The following AMDHD2 variants were observed in gnomAD, a reference collection of about 807,000 sequenced individuals.
AMDHD2 encodes N-acetylglucosamine-6-phosphate deacetylase.
Under a neutral mutation model 41.8 loss-of-function variants are expected in AMDHD2, and 24 were observed. The observed-to-expected ratio is 0.57, with a 90% CI of 0.42 to 0.81. The LOEUF (loss-of-function observed/expected upper bound fraction) is 0.81, where lower values mean the gene tolerates loss of function less well. Ranked by LOEUF, AMDHD2 falls within the 30% of genes least tolerant of loss-of-function variation. The pLI, the probability that AMDHD2 is intolerant of heterozygous loss-of-function variation, is 0.00. For synonymous variants in AMDHD2, 332 were observed against 255.5 expected (o/e 1.30, Z -2.85); for missense variants, 540 against 588.5 (o/e 0.92, Z 0.85).
At chr16:2,524,018 C>T (rs776519282) in intron 3 of AMDHD2, among the ~76,000 whole-genome samples, 1 of 152,236 alleles carries the variant, frequency 6.6e-6, no homozygotes. Flanking sequence ...TTCTTCCCAG[C>T]ATGCACTGCA....
At chr16:2,525,512 G>A (rs186528509) in intron 3 of AMDHD2, among the ~76,000 whole-genome samples, 1 of 151,846 alleles carries the variant, frequency 6.6e-6, no homozygotes, top group African/African-American at 2.4e-5. Context: ...GACTACAGGC[G>A]TGTGCCACTA....
Position 2,529,029 on chromosome 16 carries a change from C to G in AMDHD2, c.1075C>G (p.Leu359Val). The change falls in exon 10 of 11, where the codon CTG (leucine) becomes GTG (valine). Residue 359 changes from leucine to valine, a missense_variant. Physicochemically the swap from Leu to Val is conservative, Grantham distance 32. Transcript: ENST00000293971. ...GGAGTCGGCCCTGGAGGCTGCATCC[C>G]TGCACCCCGCCCAGTTGCTGGGGCT... ...SMESALEAAS[L>V]HPAQLLGLEK... 6 of 1,596,106 alleles carry G rather than the reference C, an allele frequency of 3.8e-6. No homozygotes were observed. Among genetic ancestry groups the G allele is most frequent in the Non-Finnish European group, 4.3e-6 (5 of 1,172,064 alleles).
At position 2,520,552 on chromosome 16, in the gene AMDHD2, G is replaced by T. The variant is rs1350039741; in HGVS notation, c.83+11G>T. 2 of 1,232,934 alleles carry T rather than the reference G, an allele frequency of 1.6e-6. No individual in the cohort carries two copies. Among genetic ancestry groups the T allele is most frequent in the East Asian group, 3.2e-5 (1 of 31,020 alleles). 76.4% of individuals were successfully genotyped at this position (1,232,934 alleles called of 1,614,324 possible). A position where few individuals can be genotyped will look rare whatever the true frequency, so the allele number is the denominator to read the frequency against. ...AGGGAAACTGCTCAGGTGGGCGCGG[G>T]CCGGGGACTGCGGGGCTGGGGACCG... On this transcript the variant is annotated intron_variant, in intron 1 of 10. Transcript: ENST00000293971.
intron 9 of AMDHD2, 24 bp downstream of exon 9, chr16:2,528,742 G>C (rs371095432): frequency 1.6e-5 from 26 of 1,608,384 alleles, no homozygotes; most frequent in African/African-American, 8.0e-5. Flanking sequence ...ACGGGTGCGG[G>C]TTTAGGTGGT....
Position 2,521,096 on chromosome 16 carries a change from C to G in AMDHD2, c.333C>G (p.Val111=). The change falls in exon 3 of 11, where the codon GTC becomes GTG. Residue 111 remains valine, a synonymous_variant. Transcript: ENST00000293971. ...TCACCTCCTTCTGCCCCACCCTGGT[C>G]ACTTCCCCACCGGAGGTTTATCACA... The part of the protein sequence containing the change: ...HGVTSFCPTL[V]TSPPEVYHKV... 5.0e-6 allele frequency: 8 copies of G among 1,597,204 alleles called. No homozygotes were observed. Among genetic ancestry groups the G allele is most frequent in the Middle Eastern group, 1.7e-4 (1 of 6,026 alleles).
rs1313673748 is a variant in AMDHD2 at position 2,530,811 on chromosome 16, G to A, written c.*1248G>A. The A allele has an allele frequency of 5.0e-6, 8 of 1,613,766 alleles. No homozygotes were observed. The East Asian group carries it at 1.6e-4, about 31-fold the overall frequency. The stretch of plus-strand genomic sequence containing the variant: ...GGTTGATCTCAGCCCACAAGCCCCA[G>A]GGGCAGCCCAGGAAAGCAGGCGACG... On this transcript the variant is annotated 3_prime_UTR_variant, in exon 11 of 11. Coordinates refer to ENST00000293971, the MANE Select transcript of AMDHD2 (RefSeq NM_001330449.2).
At chr16:2,523,329 C>G (rs931773445) in intron 3 of AMDHD2, among the ~76,000 whole-genome samples, 2 of 152,068 alleles carry the variant, frequency 1.3e-5, no homozygotes, top group Admixed American at 6.6e-5. Context: ...CGTTATATGC[C>G]CAAGGGGTCC....
At chr16:2,521,595 C>T (rs2065938120) in intron 3 of AMDHD2, among the ~76,000 whole-genome samples, 1 of 152,124 alleles carries the variant, frequency 6.6e-6, no homozygotes, top group South Asian at 2.1e-4. Flanking sequence ...CATTTTCTTT[C>T]CTGCCCGGAA....
At chr16:2,524,243 TTTG>T (rs1414796759) in intron 3 of AMDHD2, among the ~76,000 whole-genome samples, 5 of 152,236 alleles carry the variant, frequency 3.3e-5, no homozygotes, top group Admixed American at 3.3e-4. Context: ...TCTTCGGTCT[TTTG>T]TTGTCCTGTT....
rs1338910976 is a variant in AMDHD2 at position 2,520,987 on chromosome 16, G to T, written c.224G>T (p.Gly75Val). 6.2e-7 allele frequency: 1 copy of T among 1,602,824 alleles called. No homozygotes were observed. Among genetic ancestry groups the T allele is most frequent in the Non-Finnish European group, 8.5e-7 (1 of 1,172,122 alleles). ...ACTTCCTTTTCTGTGGCTGCAGGTG[G>T]ATTTGGTGTTGACTTCTCTCAAGCC... ...PGFIDVQING[G>V]FGVDFSQATE... The change falls in exon 3 of 11, where the codon GGA (glycine) becomes GTA (valine). Residue 75 changes from glycine to valine, a missense_variant. Coordinates refer to ENST00000293971, the MANE Select transcript of AMDHD2 (RefSeq NM_001330449.2).
In AMDHD2 at chr16:2,530,938, G is replaced by A. The variant is rs760941091; in HGVS notation, c.*1375G>A. 6.2e-6 allele frequency: 10 copies of A among 1,613,434 alleles called. No individual in the cohort carries two copies. The East Asian group carries it at 2.2e-4, about 36-fold the overall frequency. ...GGAAGTGGCTGTCCAGCGCCTGCCTGTGCTGGGCCTGGGAGAGGAGCTGTC... is the reference window on the plus strand; with the variant it reads ...GGAAGTGGCTGTCCAGCGCCTGCCTATGCTGGGCCTGGGAGAGGAGCTGTC... On this transcript the variant is annotated 3_prime_UTR_variant, in exon 11 of 11. Coordinates refer to ENST00000293971, the MANE Select transcript of AMDHD2 (RefSeq NM_001330449.2).
At chr16:2,523,143 A>G (rs1272340499) in intron 3 of AMDHD2, among the ~76,000 whole-genome samples, 2 of 152,168 alleles carry the variant, frequency 1.3e-5, no homozygotes, top group African/African-American at 4.8e-5. Context: ...TGCCCAACCA[A>G]TACTTAACTA....
Position 2,520,533 on chromosome 16 carries a change from A to G in AMDHD2, c.75A>G (p.Lys25=), listed in dbSNP as rs1212697030. ...ACTGCCGGATCCTGCGCGGAGGGAA[A>G]CTGCTCAGGTGGGCGCGGGCCGGGG... is the stretch of plus-strand genomic sequence containing the variant. ...FTNCRILRGG[K]LLREDLWVRG... Residue 25 remains lysine, a synonymous_variant, in exon 1 of 11, where the codon AAA becomes AAG. Transcript: ENST00000293971. The G allele has an allele frequency of 1.7e-6, 2 of 1,207,452 alleles. No homozygotes were observed. Among genetic ancestry groups the G allele is most frequent in the African/African-American group, 1.6e-5 (1 of 61,042 alleles). The allele number at this position is 1,207,452 out of a possible 1,614,324, so 74.8% of individuals were successfully genotyped here.
At position 2,530,263 on chromosome 16, in the gene AMDHD2, T is replaced by C. The variant is rs1262110248; in HGVS notation, c.*700T>C. The C allele has an allele frequency of 3.1e-6, 5 of 1,611,128 alleles. No homozygotes were observed. Among genetic ancestry groups the C allele is most frequent in the Non-Finnish European group, 4.2e-6 (5 of 1,178,838 alleles). On this transcript the variant is annotated 3_prime_UTR_variant, in exon 11 of 11. Transcript: ENST00000293971. ...TCTCTTCACACATCCCCAGGCCCAGTGCTTGCCGGCTGTGGTGACCCTGCC... is the reference window on the plus strand; with the variant it reads ...TCTCTTCACACATCCCCAGGCCCAGCGCTTGCCGGCTGTGGTGACCCTGCC...
At chr16:2,529,231 G>A in intron 10 of AMDHD2, 136 bp downstream of exon 10, 1 of 1,080,874 alleles carries the variant, frequency 9.3e-7, no homozygotes, top group Non-Finnish European at 1.3e-6. Context: ...CCGGCTGCCA[G>A]CCTCAGTTGT....
rs749749353 is a variant in AMDHD2, at chr16:2,529,488, C to T, written c.1155C>T (p.Leu385=). 2.2e-5 allele frequency: 36 copies of T among 1,610,886 alleles called. No homozygotes were observed. The highest frequency in any genetic ancestry group is 6.7e-5 in the Admixed American group (4 of 59,998). The change falls in exon 11 of 11, where the codon CTC becomes CTT. Residue 385 remains leucine (L), a synonymous_variant. Coordinates refer to ENST00000293971, the MANE Select transcript of AMDHD2 (RefSeq NM_001330449.2). The part of the protein sequence containing the change: ...DFGADADFVV[L]DDSLHVQATY... ...GCTCTGTCCCAGACTTCGTGGTGCTCGACGACTCCCTTCACGTCCAGGCCA... is the reference window on the plus strand; with the variant it reads ...GCTCTGTCCCAGACTTCGTGGTGCTTGACGACTCCCTTCACGTCCAGGCCA...
intron 9 of AMDHD2, 67 bp downstream of exon 9, chr16:2,528,785 G>A (rs920854191): frequency 1.9e-4 from 295 of 1,593,090 alleles, no homozygotes; most frequent in African/African-American, 1.8e-4. Context: ...GGGCTGGACC[G>A]GGTGCCCGGA....
rs1488424236 is a variant in AMDHD2 at position 2,530,296 on chromosome 16, G to A, written c.*733G>A. On this transcript the variant is annotated 3_prime_UTR_variant, in exon 11 of 11. Coordinates refer to ENST00000293971, the MANE Select transcript of AMDHD2 (RefSeq NM_001330449.2). ...GGCTGTGGTGACCCTGCCTGGTGCTGGAGGGCAGTATGGGAGGCACCAGTG... is the reference window on the plus strand; with the variant it reads ...GGCTGTGGTGACCCTGCCTGGTGCTAGAGGGCAGTATGGGAGGCACCAGTG... 1.9e-6 allele frequency: 3 copies of A among 1,613,790 alleles called. No homozygotes were observed. The highest frequency in any genetic ancestry group is 2.5e-6 in the Non-Finnish European group (3 of 1,179,958).
In AMDHD2 at chr16:2,528,669, C is replaced by T. The variant is rs1373170974; in HGVS notation, c.990C>T (p.Gly330=). 1 of 1,612,928 alleles carries T rather than the reference C, an allele frequency of 6.2e-7. No homozygotes were observed. The highest frequency in any genetic ancestry group is 1.7e-5 in the Admixed American group (1 of 60,008). The change falls in exon 9 of 11, where the codon GGC becomes GGT. Residue 330 remains glycine (G), a synonymous_variant. Coordinates refer to ENST00000293971, the MANE Select transcript of AMDHD2 (RefSeq NM_001330449.2). The part of the protein sequence containing the change: ...AYVAGTKTLS[G]SIAPMDVCVR... ...CTCAAGGCACCAAGACGCTGAGTGG[C>T]AGCATAGCCCCAATGGACGTCTGTG...
Sources: allele counts gnomAD v4.1 joint callset (sites outside exome capture counted in the v4.1 genomes callset), GRCh38; gene constraint gnomAD v4.1.1; transcripts MANE v1.5; gene names NCBI Gene and HGNC (gene_info 2026-07-23, HGNC 2026-07-21).